The following ABCA12 variants were observed in gnomAD, a reference collection of about 807,000 sequenced individuals.
ABCA12 encodes ATP binding cassette subfamily A member 12.
Under a neutral mutation model 293.5 loss-of-function variants are expected in ABCA12, and 156 were observed. That is an observed-to-expected ratio of 0.53 (90% CI 0.47 to 0.61). The LOEUF (loss-of-function observed/expected upper bound fraction) is 0.61, where lower values mean the gene tolerates loss of function less well. Among genes scored for constraint, ABCA12 ranks in the 20% least tolerant of loss-of-function variants. The pLI is 0.00. For synonymous variants in ABCA12, 1,063 were observed against 1,108.0 expected, an observed-to-expected ratio of 0.96 and a Z score of 0.81; for missense variants, 2,797 against 3,090.2, an observed-to-expected ratio of 0.91 and a Z score of 2.25.
chr2:215,076,806 T>G (rs1274673415), intron 2 of ABCA12, among the ~76,000 whole-genome samples: 1 of 152,132 alleles, frequency 6.6e-6, no homozygotes, highest in Non-Finnish European at 1.5e-5. Flanking sequence ...GCTGCCTAAA[T>G]CAATGGAGAT....
chr2:215,014,115 A>T (rs886538541), intron 15 of ABCA12, among the ~76,000 whole-genome samples: 2 of 151,798 alleles, frequency 1.3e-5, no homozygotes, highest in Admixed American at 1.3e-4. Flanking sequence ...CAGGAGGTGG[A>T]GGCTGCAGTG....
intron 13 of ABCA12, 86 bp from the exon 14 acceptor site, chr2:215,018,218 A>T: frequency 6.5e-7 from 1 of 1,529,766 alleles, no homozygotes; most frequent in Non-Finnish European, 8.8e-7. Context: ...GAAACCTTCT[A>T]GACTAAGACA....
In ABCA12 at chr2:214,966,836, T is replaced by A; in HGVS notation, c.5884+12A>T. 1 of 1,612,632 alleles carries A rather than the reference T, an allele frequency of 6.2e-7. No homozygotes were observed. Among genetic ancestry groups the A allele is most frequent in the South Asian group, 1.1e-5 (1 of 91,062 alleles). ...GTTGCAATACAGGACACTTTTGTGTTAGTAACTTTACCATGTCGGGCAGCA... is the reference window on the plus strand; with the variant it reads ...GTTGCAATACAGGACACTTTTGTGTAAGTAACTTTACCATGTCGGGCAGCA... On this transcript the variant is annotated intron_variant, in intron 39 of 52. Transcript: ENST00000272895.
chr2:214,980,423 T>C (rs1224165190), intron 31 of ABCA12, 60 bp downstream of exon 31: 2 of 1,602,078 alleles, frequency 1.2e-6, no homozygotes, highest in Non-Finnish European at 1.7e-6. Context: ...ACTCTGCTCC[T>C]ATTTCATATA....
Position 214,966,867 on chromosome 2 carries a change from T to A in ABCA12, c.5865A>T (p.Lys1955Asn). ...CTTTACCATGTCGGGCAGCATCGTATTTTGACATGTTAACTCGCAGAAGGA... is the reference window on the plus strand; with the variant it reads ...CTTTACCATGTCGGGCAGCATCGTAATTTGACATGTTAACTCGCAGAAGGA... ...NNFLLRVNMS[K>N]YDAARHGIIM... is the part of the protein sequence containing the mutation. The change falls in exon 39 of 53, where the codon AAA (lysine) becomes AAT (asparagine). Residue 1955 changes from lysine (K) to asparagine (N), a missense_variant. By Grantham distance (94) the Lys-to-Asn change is moderately conservative (BLOSUM62 0). This residue lies in a region of ABCA12 where 2,130 missense variants were observed against 2,427.0 expected (regional missense o/e 0.88). Coordinates refer to ENST00000272895, the MANE Select transcript of ABCA12 (RefSeq NM_173076.3). 1 of 1,613,806 alleles carries A rather than the reference T, an allele frequency of 6.2e-7. No homozygotes were observed. Among genetic ancestry groups the A allele is most frequent in the Non-Finnish European group, 8.5e-7 (1 of 1,179,784 alleles).
At chr2:214,962,031 T>C (rs1347019979) in intron 39 of ABCA12, 1 of 152,200 alleles carries the variant, frequency 6.6e-6, no homozygotes, top group Non-Finnish European at 1.5e-5. Flanking sequence ...TAATAGACTA[T>C]TAGGCTATAA....
At chr2:214,995,405 A>G (rs745814162) in intron 23 of ABCA12, among the ~76,000 whole-genome samples, 13 of 152,262 alleles carry the variant, frequency 8.5e-5, no homozygotes, top group Admixed American at 3.3e-4. Flanking sequence ...GAGATTATCT[A>G]TCATCATCTG....
At chr2:215,089,342 A>T (rs1355146751) in intron 2 of ABCA12, among the ~76,000 whole-genome samples, 1 of 152,184 alleles carries the variant, frequency 6.6e-6, no homozygotes, top group Non-Finnish European at 1.5e-5. Context: ...ACTAGGCTAA[A>T]ACTACTAGGA....
At chr2:215,132,865 G>T (rs1472297347) in intron 1 of ABCA12, among the ~76,000 whole-genome samples, 2 of 151,952 alleles carry the variant, frequency 1.3e-5, no homozygotes, top group Non-Finnish European at 2.9e-5. Context: ...TTTCTGTGTT[G>T]TCCTTTTGTT....
intron 45 of ABCA12, among the ~76,000 whole-genome samples, chr2:214,949,599 C>T (rs1057452312): frequency 6.6e-6 from 1 of 152,156 alleles, no homozygotes; most frequent in Admixed American, 6.5e-5. Context: ...GTGTAGTTTG[C>T]AGCTCTGCTT....
intron 15 of ABCA12, among the ~76,000 whole-genome samples, chr2:215,013,973 G>C (rs981772795): frequency 3.9e-5 from 6 of 152,134 alleles, no homozygotes; most frequent in African/African-American, 1.2e-4. Context: ...TTGAGGTCAG[G>C]AGTTCAAGAC....
At chr2:215,011,024 T>C (rs371271344) in intron 17 of ABCA12, among the ~76,000 whole-genome samples, 146 of 152,296 alleles carry the variant, frequency 9.6e-4, no homozygotes, top group African/African-American at 3.2e-3. Flanking sequence ...CTACCATGTG[T>C]GATAAAAATT....
intron 7 of ABCA12, among the ~76,000 whole-genome samples, chr2:215,042,838 C>T (rs369298615): frequency 1.8e-4 from 28 of 152,066 alleles, no homozygotes; most frequent in Admixed American, 5.9e-4. Context: ...CTTGATCAAC[C>T]TTCCCTCATC....
intron 11 of ABCA12, chr2:215,022,546 A>T (rs1700653207): frequency 6.6e-6 from 1 of 152,214 alleles, no homozygotes. Flanking sequence ...TTCTTTCTTC[A>T]AAAGTATGTG....
chr2:214,996,842 G>C (rs113264300), intron 23 of ABCA12, among the ~76,000 whole-genome samples: 1 of 152,106 alleles, frequency 6.6e-6, no homozygotes, highest in East Asian at 1.9e-4. Context: ...GTGGATGGAC[G>C]GGTTCCTCTA....
At chr2:214,974,130 T>A in intron 35 of ABCA12, 88 bp from the exon 36 acceptor site, 1 of 1,164,142 alleles carries the variant, frequency 8.6e-7, no homozygotes, top group East Asian at 2.4e-5. Flanking sequence ...TATTTGGTAT[T>A]AAGTTCATGT....
At chr2:215,093,868 T>C (rs893847524) in intron 2 of ABCA12, among the ~76,000 whole-genome samples, 2 of 152,216 alleles carry the variant, frequency 1.3e-5, no homozygotes, top group African/African-American at 4.8e-5. Context: ...ACTGTATCTC[T>C]CTGATCCACC....
At position 215,049,778 on chromosome 2, in the gene ABCA12, G is replaced by A. The variant is rs758756716; in HGVS notation, c.541C>T (p.Arg181Ter). The change falls in exon 6 of 53, where the codon CGA (arginine) becomes TGA (stop). Residue 181 changes from arginine (R) to a stop codon, truncating the protein, a stop_gained. Transcript: ENST00000272895. LOFTEE classifies it high-confidence loss of function. ...GAATAGCTGTCACATAGTTCTCTTCGTATATCTTCTGAAGTTGAATTTTGC... is the reference window on the plus strand; with the variant it reads ...GAATAGCTGTCACATAGTTCTCTTCATATATCTTCTGAAGTTGAATTTTGC... The part of the protein sequence containing the change: ...LKQNSTSEDI[R>*]RELCDSYSGY... The A allele has an allele frequency of 3.1e-6, 5 of 1,613,320 alleles. No homozygotes were observed. The highest frequency in any genetic ancestry group is 1.7e-4 in the Middle Eastern group (1 of 5,964).
chr2:214,969,987 A>G (rs1022305139), intron 37 of ABCA12, among the ~76,000 whole-genome samples: 2 of 152,078 alleles, frequency 1.3e-5, no homozygotes, highest in African/African-American at 2.4e-5. Context: ...CCAAGTTGGT[A>G]TAAGTCAGTC....
Sources: gnomAD v4.1 joint callset for allele counts (sites outside exome capture counted in the v4.1 genomes callset) on GRCh38, gnomAD v4.1.1 for gene constraint, gnomAD v4.1.1 regional missense constraint, MANE v1.5 for transcripts, NCBI Gene and HGNC (gene_info 2026-07-23, HGNC 2026-07-21) for gene names.